Variants in UFD1 observed in about 807,000 individuals in gnomAD.
UFD1 encodes ubiquitin recognition factor in ER associated degradation 1, also known as ubiquitin recognition factor in ER-associated degradation protein 1.
UFD1 carries 13 observed loss-of-function variants against 45.9 expected under a neutral mutation model. That is an observed-to-expected ratio of 0.28 (90% CI 0.18 to 0.45). The LOEUF is 0.45. UFD1 is among the 20% of genes least tolerant of loss of function. The pLI is 1.00. For synonymous variants in UFD1, 128 were observed against 139.2 expected (o/e 0.92, Z 0.56); for missense variants, 218 against 389.2 (o/e 0.56, Z 3.70).
chr22:19,473,365 G>A (rs1314535035), intron 3 of UFD1, among the ~76,000 whole-genome samples: 1 of 152,192 alleles, frequency 6.6e-6, no homozygotes, highest in African/African-American at 2.4e-5. Flanking sequence ...ATGAATTAGA[G>A]GACTTCCTAT....
At chr22:19,453,862 C>G (rs1216970395) in intron 11 of UFD1, 3 of 985,398 alleles carry the variant, frequency 3.0e-6, no homozygotes, top group Admixed American at 1.2e-4. Flanking sequence ...TGCCCTGATC[C>G]TGGATCCTCA....
chr22:19,464,393 C>T (rs2089787227), intron 6 of UFD1, among the ~76,000 whole-genome samples: 2 of 152,236 alleles, frequency 1.3e-5, no homozygotes, highest in Non-Finnish European at 2.9e-5. Flanking sequence ...TCACAGTGAA[C>T]AGGGGCACCC....
intron 3 of UFD1, among the ~76,000 whole-genome samples, chr22:19,474,526 C>A (rs181848531): frequency 6.6e-6 from 1 of 151,918 alleles, no homozygotes; most frequent in Non-Finnish European, 1.5e-5. Context: ...AGCCTGGGCG[C>A]TAAGAGCAAA....
At chr22:19,453,143 G>A (rs766459834) in intron 11 of UFD1, 12 of 985,318 alleles carry the variant, frequency 1.2e-5, no homozygotes, top group Non-Finnish European at 1.4e-5. Context: ...GGATGGGGGA[G>A]GGAGGGTAAT....
intron 6 of UFD1, among the ~76,000 whole-genome samples, chr22:19,464,997 T>TA (rs2089791696): frequency 6.6e-6 from 1 of 152,146 alleles, no homozygotes; most frequent in Non-Finnish European, 1.5e-5. Flanking sequence ...TGTTCCCCTG[T>TA]AAATGCAATC....
At chr22:19,458,792 C>G (rs2089743414) in intron 6 of UFD1, among the ~76,000 whole-genome samples, 1 of 152,142 alleles carries the variant, frequency 6.6e-6, no homozygotes. Flanking sequence ...TGAGAAAATT[C>G]TAAGAATGCT....
At chr22:19,454,345 G>C (rs1328778381) in intron 11 of UFD1, 1 of 1,012,724 alleles carries the variant, frequency 9.9e-7, no homozygotes, top group Admixed American at 5.4e-5. Context: ...GAATTACCAC[G>C]TGTTGTGGGA....
chr22:19,459,161 G>A (rs1443911686), intron 6 of UFD1, among the ~76,000 whole-genome samples: 1 of 152,214 alleles, frequency 6.6e-6, no homozygotes, highest in East Asian at 1.9e-4. Flanking sequence ...GTCAGGGACT[G>A]TCTGTATACT....
At chr22:19,468,116 T>G (rs1221012329) in intron 4 of UFD1, 113 bp from the exon 5 acceptor site, 2 of 1,387,712 alleles carry the variant, frequency 1.4e-6, no homozygotes, top group Admixed American at 2.4e-5. Flanking sequence ...AAGAGGAACC[T>G]GAGCCAAGAT....
intron 6 of UFD1, among the ~76,000 whole-genome samples, chr22:19,464,215 GCAGCTGTGACA>G (rs1176229604): frequency 2.0e-5 from 3 of 152,204 alleles, no homozygotes. Context: ...TAAACCACAG[GCAGCTGTGACA>G]CAGCTGTGAC....
At chr22:19,459,383 G>A (rs1469271394) in intron 6 of UFD1, among the ~76,000 whole-genome samples, 1 of 152,230 alleles carries the variant, frequency 6.6e-6, no homozygotes, top group Non-Finnish European at 1.5e-5. Flanking sequence ...GGGAGGCCGA[G>A]GAGGGCAGAT....
chr22:19,473,459 C>A (rs1323658577), intron 3 of UFD1, among the ~76,000 whole-genome samples: 4 of 151,100 alleles, frequency 2.6e-5, no homozygotes, highest in Admixed American at 2.0e-4. Flanking sequence ...GACCCAGCCC[C>A]TGAGTCTCTT....
chr22:19,456,668 C>A, intron 8 of UFD1, 34 bp from the exon 9 acceptor site: 1 of 1,614,182 alleles, frequency 6.2e-7, no homozygotes, highest in African/African-American at 1.3e-5. Context: ...GTGAGCTCCT[C>A]AGCGGGGACA....
chr22:19,450,955 G>C, intron 11 of UFD1: 4 of 1,239,672 alleles, frequency 3.2e-6, no homozygotes, highest in Non-Finnish European at 4.2e-6. Flanking sequence ...GGGCAACATA[G>C]TGAGATCCCA....
At chr22:19,451,534 T>C (rs1383518834) in intron 11 of UFD1, 4 of 985,260 alleles carry the variant, frequency 4.1e-6, no homozygotes, top group African/African-American at 3.5e-5. Context: ...ACTGCACATA[T>C]TTTTTTTCAC....
intron 11 of UFD1, chr22:19,451,786 T>A: frequency 1.0e-6 from 1 of 985,488 alleles, no homozygotes; most frequent in Non-Finnish European, 1.2e-6. Flanking sequence ...TAGCTGTGTT[T>A]GGCTTCTTCC....
intron 11 of UFD1, 128 bp from the exon 12 acceptor site, chr22:19,450,872 A>G: frequency 6.5e-7 from 1 of 1,540,280 alleles, no homozygotes; most frequent in Non-Finnish European, 8.8e-7. Flanking sequence ...ACGATAGCTG[A>G]CACCTGTAAT....
Position 19,450,392 on chromosome 22 carries a change from G to A in UFD1, c.*278C>T. 1 of 397,234 alleles carries A rather than the reference G, an allele frequency of 2.5e-6. No homozygotes were observed. The highest frequency in any genetic ancestry group is 2.0e-5 in the African/African-American group (1 of 49,924). 24.6% of individuals were successfully genotyped at this position (397,234 alleles called of 1,614,324 possible). ...GCAGAATTGCTCCTGCTGAGGCAGT[G>A]GGAGCTCCCCTCAAGCTGAAAGCGT... On this transcript the variant is annotated 3_prime_UTR_variant, in exon 12 of 12. Coordinates refer to ENST00000263202, the MANE Select transcript of UFD1 (RefSeq NM_005659.7).
chr22:19,455,904 C>T lies in UFD1; in HGVS notation c.679-136G>A. ...CAGGACTGAAGCCCTGACTCCTCAA[C>T]TGCTGGGGTGCTGGCAGCTAAGAAC... On this transcript the variant is annotated intron_variant, in intron 9 of 11. Coordinates refer to ENST00000263202, the MANE Select transcript of UFD1 (RefSeq NM_005659.7). 3 of 755,850 alleles carry T rather than the reference C, an allele frequency of 4.0e-6. No individual in the cohort carries two copies. In the South Asian group the frequency reaches 5.1e-5, roughly 13 times the overall value. 46.8% of individuals were successfully genotyped at this position (755,850 alleles called of 1,614,324 possible). A position where few individuals can be genotyped will look rare whatever the true frequency, so the allele number is the denominator to read the frequency against.
Sources: allele counts gnomAD v4.1 joint callset (sites outside exome capture counted in the v4.1 genomes callset), GRCh38; gene constraint gnomAD v4.1.1; transcripts MANE v1.5; gene names NCBI Gene and HGNC (gene_info 2026-07-23, HGNC 2026-07-21).